Variants in SEC24D observed in about 807,000 individuals in gnomAD.
The protein encoded by SEC24D is protein transport protein Sec24D.
A neutral mutation model predicts 116.9 loss-of-function variants in SEC24D; 69 were observed. That is an observed-to-expected ratio of 0.59 (90% CI 0.49 to 0.72). The LOEUF is 0.72. Ranked by LOEUF, SEC24D falls within the 30% of genes least tolerant of loss-of-function variation. The probability of loss-of-function intolerance (pLI) is 0.00; values close to 1 mark genes in which losing one functional copy is unlikely to be tolerated. For missense variants in SEC24D, 1,131 were observed against 1,264.1 expected (o/e 0.89, Z 1.60); for synonymous variants, 405 against 442.8 (o/e 0.91, Z 1.07).
intron 10 of SEC24D, chr4:118,764,474 T>G (rs1383964291): frequency 5.9e-6 from 1 of 168,070 alleles, no homozygotes; most frequent in Non-Finnish European, 1.3e-5. Context: ...CTGAGACTCT[T>G]TACAAAATAA....
At chr4:118,835,839 C>G (rs1731073264) in intron 1 of SEC24D, 102 bp downstream of exon 1, 1 of 153,232 alleles carries the variant, frequency 6.5e-6, no homozygotes, top group South Asian at 2.1e-4. Flanking sequence ...CAGGTGAGCA[C>G]CCGGCCTCCC....
At chr4:118,778,832 G>C (rs1728265335) in intron 8 of SEC24D, among the ~76,000 whole-genome samples, 1 of 152,070 alleles carries the variant, frequency 6.6e-6, no homozygotes, top group Non-Finnish European at 1.5e-5. Flanking sequence ...CTTGTAAGTT[G>C]GATTCCTAGG....
chr4:118,772,963 T>C (rs1727971113), intron 8 of SEC24D, among the ~76,000 whole-genome samples: 1 of 152,060 alleles, frequency 6.6e-6, no homozygotes, highest in Non-Finnish European at 1.5e-5. Flanking sequence ...ATCTCTCCTT[T>C]CTTCTCTCAT....
At chr4:118,756,303 T>C (rs1039203713) in intron 11 of SEC24D, among the ~76,000 whole-genome samples, 2 of 152,154 alleles carry the variant, frequency 1.3e-5, no homozygotes, top group African/African-American at 4.8e-5. Context: ...CAAACACATC[T>C]GCAGGCATCA....
chr4:118,754,503 A>C (rs1726989596), intron 11 of SEC24D, among the ~76,000 whole-genome samples: 1 of 152,106 alleles, frequency 6.6e-6, no homozygotes, highest in African/African-American at 2.4e-5. Context: ...CCTTTTAGTC[A>C]CAAGTCCTTG....
At chr4:118,776,026 TAC>T (rs557705580) in intron 8 of SEC24D, among the ~76,000 whole-genome samples, 129 of 150,918 alleles carry the variant, frequency 8.5e-4, no homozygotes, top group African/African-American at 3.0e-3. Context: ...GGGCCTACAT[TAC>T]AGAGTAAATT....
chr4:118,739,110 A>G (rs780475783), intron 18 of SEC24D, 39 bp downstream of exon 18: 3 of 1,607,938 alleles, frequency 1.9e-6, no homozygotes, highest in South Asian at 1.1e-5. Context: ...TGAATTACTA[A>G]GCAAGGTTTA....
At chr4:118,784,591 A>C (rs1385837539) in intron 8 of SEC24D, among the ~76,000 whole-genome samples, 2 of 152,208 alleles carry the variant, frequency 1.3e-5, no homozygotes, top group Admixed American at 6.5e-5. Flanking sequence ...AGATTTAATA[A>C]TTATGGCTCT....
rs572876070 is a variant in SEC24D at position 118,744,142 on chromosome 4, T to A, written c.1841A>T (p.Gln614Leu). ...GGCCAATGAGTCATAGACATTTGTT[T>A]GGGGCTGGAAAAGTATCTGGAAAAA... ...TDKEKILFQP[Q>L]TNVYDSLAKD... The change falls in exon 15 of 23, where the codon CAA becomes CTA. Residue 614 changes from glutamine (Q) to leucine (L), a missense_variant. By Grantham distance (113) the Gln-to-Leu change is moderately radical. Transcript: ENST00000280551. 1.0e-4 allele frequency: 157 copies of A among 1,570,130 alleles called. 1 individual carries two copies. The South Asian group carries it at 1.8e-3, about 18-fold the overall frequency.
intron 8 of SEC24D, among the ~76,000 whole-genome samples, chr4:118,784,745 C>CA (rs1348474885): frequency 3.3e-5 from 5 of 150,972 alleles, no homozygotes; most frequent in Non-Finnish European, 7.4e-5. Context: ...CCCTGCCCCC[C>CA]CCCCCGCCAC....
chr4:118,805,193 A>C (rs536042278), intron 7 of SEC24D, among the ~76,000 whole-genome samples: 6 of 152,168 alleles, frequency 3.9e-5, no homozygotes, highest in Admixed American at 3.9e-4. Flanking sequence ...GGCTAGCTCA[A>C]CAACTCTGGG....
intron 19 of SEC24D, 156 bp downstream of exon 19, chr4:118,738,105 A>C: frequency 1.8e-6 from 1 of 545,300 alleles, no homozygotes; most frequent in Non-Finnish European, 3.3e-6. Context: ...AAAAAACCAC[A>C]GCCCCCCCAA....
At chr4:118,755,960 A>G (rs1051902125) in intron 11 of SEC24D, among the ~76,000 whole-genome samples, 5 of 152,158 alleles carry the variant, frequency 3.3e-5, no homozygotes, top group African/African-American at 9.6e-5. Context: ...CCAATGGTAC[A>G]TAAAGTTATA....
Position 118,752,789 on chromosome 4 carries a change from C to G in SEC24D, c.1521G>C (p.Gln507His), listed in dbSNP as rs1726904482. The part of the protein sequence containing the change: ...FNVKSNLAQP[Q>H]MMVVTDVGEV... The stretch of plus-strand genomic sequence containing the variant: ...CTCCAACATCAGTCACCACCATCAT[C>G]TGAGGCTGGGCCAGATTACTCTTCA... Residue 507 changes from glutamine (Q) to histidine (H), a missense_variant, in exon 12 of 23, where the codon CAG (glutamine) becomes CAC (histidine). Transcript: ENST00000280551. 1 of 1,612,200 alleles carries G rather than the reference C, an allele frequency of 6.2e-7. No individual in the cohort carries two copies. The highest frequency in any genetic ancestry group is 8.5e-7 in the Non-Finnish European group (1 of 1,179,212).
chr4:118,820,426 G>A (rs567971873), intron 3 of SEC24D, among the ~76,000 whole-genome samples: 8 of 152,166 alleles, frequency 5.3e-5, no homozygotes, highest in South Asian at 2.1e-4. Flanking sequence ...TGATCCGCCC[G>A]CCTTGGCCTT....
chr4:118,828,401 A>G (rs116146507), intron 2 of SEC24D, among the ~76,000 whole-genome samples: 6,653 of 152,004 alleles, frequency 0.044, 203 homozygotes, highest in Non-Finnish European at 0.064. Context: ...GAGCCACCGC[A>G]CCCGGCCTTA....
intron 3 of SEC24D, among the ~76,000 whole-genome samples, chr4:118,821,571 CAT>C (rs1347386334): frequency 1.3e-5 from 2 of 152,140 alleles, no homozygotes; most frequent in Admixed American, 6.5e-5. Context: ...AAAAATTTTA[CAT>C]GTTAAATTCA....
At position 118,742,378 on chromosome 4, in the gene SEC24D, G is replaced by C. The variant is rs562165359; in HGVS notation, c.1996-1341C>G. Among the ~76,000 whole-genome samples, 3 of 151,852 alleles carry C rather than the reference G, an allele frequency of 2.0e-5. No individual in the cohort carries two copies. The South Asian group carries it at 6.3e-4, about 32-fold the overall frequency. Reference sequence around the variant, plus strand: ...TAAAGTCCTTTTTGGAAAAGTGGGGGGGGGAAAGCTTCTGATGAAATTTAT... The same window carrying C: ...TAAAGTCCTTTTTGGAAAAGTGGGGCGGGGAAAGCTTCTGATGAAATTTAT... On this transcript the variant is annotated intron_variant, in intron 15 of 22. Coordinates refer to ENST00000280551, the MANE Select transcript of SEC24D (RefSeq NM_014822.4).
At chr4:118,738,190 TATAG>T in intron 19 of SEC24D, 67 bp downstream of exon 19, 1 of 1,008,584 alleles carries the variant, frequency 9.9e-7, no homozygotes, top group Non-Finnish European at 1.6e-6. Context: ...ATAAGCCTTC[TATAG>T]CTATGTGCTG....
Sources: allele counts gnomAD v4.1 joint callset (sites outside exome capture counted in the v4.1 genomes callset), GRCh38; gene constraint gnomAD v4.1.1; transcripts MANE v1.5; gene names NCBI Gene and HGNC (gene_info 2026-07-23, HGNC 2026-07-21).